The following ABLIM2 variants were observed in gnomAD, a reference collection of about 807,000 sequenced individuals.
ABLIM2 encodes actin binding LIM protein family member 2.
In ABLIM2, 53 loss-of-function variants were observed where a neutral mutation model predicts 97.7. The ratio of observed to expected loss-of-function variants is 0.54; its 90% CI spans 0.44 to 0.68. ABLIM2 has a LOEUF of 0.68. Among genes scored for constraint, ABLIM2 ranks in the 30% least tolerant of loss-of-function variants. The pLI, the probability that ABLIM2 is intolerant of heterozygous loss-of-function variation, is 0.00. For missense variants in ABLIM2, 835 were observed against 867.2 expected, an observed-to-expected ratio of 0.96 and a Z score of 0.47; for synonymous variants, 361 against 345.8, an observed-to-expected ratio of 1.04 and a Z score of -0.49.
intron 3 of ABLIM2, among the ~76,000 whole-genome samples, chr4:8,090,688 C>T (rs1411153961): frequency 6.6e-6 from 1 of 152,156 alleles, no homozygotes; most frequent in Non-Finnish European, 1.5e-5. Context: ...GTCACTGTCA[C>T]CGTGCATTAG....
At chr4:8,114,052 C>T (rs1030061071) in intron 1 of ABLIM2, among the ~76,000 whole-genome samples, 10 of 152,236 alleles carry the variant, frequency 6.6e-5, no homozygotes, top group African/African-American at 2.4e-4. Context: ...TCACAGTGCT[C>T]AGCTCACCTT....
At chr4:7,973,518 G>C (rs1730002435) in intron 20 of ABLIM2, among the ~76,000 whole-genome samples, 1 of 151,340 alleles carries the variant, frequency 6.6e-6, no homozygotes, top group Non-Finnish European at 1.5e-5. Context: ...AAAAAAGAGA[G>C]AAAAAAAAGA....
In ABLIM2 at chr4:8,127,195, C is replaced by T. The variant is rs1406136377; in HGVS notation, c.11-20558G>A. Among the ~76,000 whole-genome samples, 3 of 152,138 alleles carry T rather than the reference C, an allele frequency of 2.0e-5. No homozygotes were observed. Among genetic ancestry groups the T allele is most frequent in the Non-Finnish European group, 4.4e-5 (3 of 68,014 alleles). ...GAAAAGGGAGGGAGGGAGGCCCAGA[C>T]GCTGTGGTCAGTGGGTGCTGGAGTC... On this transcript the variant is annotated intron_variant, in intron 1 of 20. Transcript: ENST00000447017. This position sits in a 1 kb window ranked among gnomAD's most constrained non-coding sequence, Gnocchi z 7.3.
rs1353312194 is a variant in ABLIM2, at chr4:8,148,729, C to T, written c.10+9951G>A. On this transcript the variant is annotated intron_variant, in intron 1 of 20. Coordinates refer to ENST00000447017, the MANE Select transcript of ABLIM2 (RefSeq NM_001130083.2). This position sits in a 1 kb window ranked among gnomAD's most constrained non-coding sequence, Gnocchi z 6.7. ...TCCATTGCCCCAAACCACACAGGAA[C>T]TCAGAGTCGGAAAGATCCTCTAGGA... Among the ~76,000 whole-genome samples the T allele has an allele frequency of 2.0e-5, 3 of 152,188 alleles. No homozygotes were observed. The highest frequency in any genetic ancestry group is 7.2e-5 in the African/African-American group (3 of 41,448).
rs1824782421 is a variant in ABLIM2 at position 8,087,902 on chromosome 4, T to C, written c.454+267A>G. 6.6e-6 allele frequency among the ~76,000 whole-genome samples: 1 copy of C among 151,978 alleles called. No homozygotes were observed. Among genetic ancestry groups the C allele is most frequent in the African/African-American group, 2.4e-5 (1 of 41,354 alleles). ...CCTCACATTTATTCACAGCGTTCAC[T>C]GCAGCTGCTGCTGCTCTGGGTCCCC... On this transcript the variant is annotated intron_variant, in intron 4 of 20. Coordinates refer to ENST00000447017, the MANE Select transcript of ABLIM2 (RefSeq NM_001130083.2). The surrounding 1 kb of genome is among the most constrained non-coding windows in gnomAD (Gnocchi z 4.6).
chr4:8,157,396 C>A (rs1410061779), intron 1 of ABLIM2, among the ~76,000 whole-genome samples: 2 of 152,228 alleles, frequency 1.3e-5, no homozygotes, highest in Non-Finnish European at 2.9e-5. Context: ...TGCTCCCCAG[C>A]CACTCCCAGA....
Position 8,131,057 on chromosome 4 carries a change from A to G in ABLIM2, c.11-24420T>C, listed in dbSNP as rs530715185. Among the ~76,000 whole-genome samples, 546 of 152,296 alleles carry G rather than the reference A, an allele frequency of 3.6e-3. 1 individual carries two copies. Among genetic ancestry groups the G allele is most frequent in the Non-Finnish European group, 5.7e-3 (389 of 68,020 alleles). On this transcript the variant is annotated intron_variant, in intron 1 of 20. Transcript: ENST00000447017. Reference sequence around the variant, plus strand: ...GGTCACCCCACTCTGCCTCTCTCTTAGAATAACTGTGATGGCACTGAGGGC... The same window carrying G: ...GGTCACCCCACTCTGCCTCTCTCTTGGAATAACTGTGATGGCACTGAGGGC...
intron 16 of ABLIM2, chr4:7,994,049 G>C (rs1375130160): frequency 2.3e-6 from 1 of 434,340 alleles, no homozygotes; most frequent in African/African-American, 2.1e-5. Flanking sequence ...GACCCTGGAG[G>C]GGCAGGACCC....
intron 8 of ABLIM2, 61 bp from the exon 9 acceptor site, chr4:8,045,302 G>T: frequency 6.9e-7 from 1 of 1,444,170 alleles, no homozygotes; most frequent in South Asian, 1.1e-5. Flanking sequence ...CTTCAGAGGC[G>T]ACTGTCAGGA....
rs545064555 is a variant in ABLIM2 at position 8,083,564 on chromosome 4, C to A, written c.455-2762G>T. Reference sequence around the variant, plus strand: ...TCACACCTGCCTCGGCCCCCTCATTCTCCTATCAGCAGTACACGTGGAGAT... The same window carrying A: ...TCACACCTGCCTCGGCCCCCTCATTATCCTATCAGCAGTACACGTGGAGAT... On this transcript the variant is annotated intron_variant, in intron 4 of 20. Coordinates refer to ENST00000447017, the MANE Select transcript of ABLIM2 (RefSeq NM_001130083.2). This position sits in a 1 kb window ranked among gnomAD's most constrained non-coding sequence, Gnocchi z 4.6. Among the ~76,000 whole-genome samples the A allele has an allele frequency of 6.6e-6, 1 of 152,362 alleles. No homozygotes were observed. The highest frequency in any genetic ancestry group is 2.1e-4 in the South Asian group (1 of 4,830).
chr4:7,975,859 T>A (rs1175508417), intron 20 of ABLIM2, among the ~76,000 whole-genome samples: 6 of 152,194 alleles, frequency 3.9e-5, no homozygotes, highest in African/African-American at 1.2e-4. Flanking sequence ...GCCCTTCAAG[T>A]AGGCCTGAGC....
At chr4:8,097,402 G>T in intron 2 of ABLIM2, 120 bp from the exon 3 acceptor site, 1 of 1,248,494 alleles carries the variant, frequency 8.0e-7, no homozygotes, top group Non-Finnish European at 1.1e-6. Context: ...CTGAGGCCTC[G>T]GCACACACTT....
At chr4:8,050,526 G>T (rs1260812942) in intron 8 of ABLIM2, among the ~76,000 whole-genome samples, 1 of 152,188 alleles carries the variant, frequency 6.6e-6, no homozygotes, top group Non-Finnish European at 1.5e-5. Flanking sequence ...CTAGGACCGG[G>T]AGTCATTTCT....
Position 8,056,303 on chromosome 4 carries a change from TTC to T in ABLIM2, c.764-2059_764-2058del, listed in dbSNP as rs1356080066. 6.1e-5 allele frequency among the ~76,000 whole-genome samples: 8 copies of T among 132,164 alleles called. No individual in the cohort carries two copies. The South Asian group carries it at 1.9e-3, about 31-fold the overall frequency. 86.7% of individuals were successfully genotyped at this position (132,164 alleles called of 152,430 possible). Reference sequence around the variant, plus strand: ...AATACACAGTTTCTTCTTTCTTTCTTTCTTTTTTTTTTTTTTTTTGAGACAGG... The same window carrying T: ...AATACACAGTTTCTTCTTTCTTTCTTTTTTTTTTTTTTTTTTTGAGACAGG... On this transcript the variant is annotated intron_variant, in intron 7 of 20. Coordinates refer to ENST00000447017, the MANE Select transcript of ABLIM2 (RefSeq NM_001130083.2).
chr4:8,145,753 C>G (rs868039740), intron 1 of ABLIM2, among the ~76,000 whole-genome samples: 1 of 127,508 alleles, frequency 7.8e-6, no homozygotes, highest in African/African-American at 3.2e-5. Flanking sequence ...CATACACACA[C>G]ACACACACAC....
rs1294889520 is a variant in ABLIM2 at position 8,067,995 on chromosome 4, G to A, written c.676-6941C>T. On this transcript the variant is annotated intron_variant, in intron 6 of 20. Coordinates refer to ENST00000447017, the MANE Select transcript of ABLIM2 (RefSeq NM_001130083.2). This position sits in a 1 kb window ranked among gnomAD's most constrained non-coding sequence, Gnocchi z 5.4. ...AACCAGTGGGTCACAGGCGGCCATC[G>A]ATGGGCTGATGGAGTCAAAAATTAG... Among the ~76,000 whole-genome samples, 2 of 152,118 alleles carry A rather than the reference G, an allele frequency of 1.3e-5. No homozygotes were observed. The highest frequency in any genetic ancestry group is 2.1e-4 in the South Asian group (1 of 4,808).
intron 1 of ABLIM2, among the ~76,000 whole-genome samples, chr4:8,158,047 A>T (rs1715963565): frequency 6.6e-6 from 1 of 152,178 alleles, no homozygotes; most frequent in Non-Finnish European, 1.5e-5. Context: ...CCCCGCACAG[A>T]GGCTGTCAGA....
intron 2 of ABLIM2, among the ~76,000 whole-genome samples, chr4:8,100,475 G>A (rs894290342): frequency 4.0e-4 from 61 of 152,196 alleles, no homozygotes; most frequent in African/African-American, 1.3e-3. Context: ...GGCAGGGTGC[G>A]GTGGCTCACA....
chr4:8,152,402 C>T (rs1017057817), intron 1 of ABLIM2, among the ~76,000 whole-genome samples: 1 of 152,206 alleles, frequency 6.6e-6, no homozygotes, highest in Non-Finnish European at 1.5e-5. Context: ...ACCGGCCGCT[C>T]CGAGCAGCGC....
Sources: allele counts gnomAD v4.1 joint callset (sites outside exome capture counted in the v4.1 genomes callset), GRCh38; gene constraint gnomAD v4.1.1; non-coding constraint Gnocchi (gnomAD v3.1); transcripts MANE v1.5; gene names NCBI Gene and HGNC (gene_info 2026-07-23, HGNC 2026-07-21).